RPSA2: variants seen among roughly 807,000 people sequenced by gnomAD.
The protein encoded by RPSA2 is small ribosomal subunit protein uS2B.
the RPSA2 span, among the ~76,000 whole-genome samples, chr19:23,814,654 C>G: frequency 6.6e-6 from 1 of 152,298 alleles, no homozygotes; most frequent in South Asian, 2.1e-4. Flanking sequence ...TTGTCTACCA[C>G]TGTAAGTTGT....
At chr19:23,817,916 CTG>C in the RPSA2 span, 3 of 152,096 alleles carry the variant, frequency 2.0e-5, no homozygotes, top group Non-Finnish European at 4.4e-5. Context: ...AACAGAGAAA[CTG>C]GAGTTGTTGT....
chr19:23,832,549 C>G, the RPSA2 span: 1 of 847,414 alleles, frequency 1.2e-6, no homozygotes, highest in Admixed American at 2.8e-5. Flanking sequence ...AAAAGAAACC[C>G]TACAAATGTC....
At chr19:23,793,796 C>G in the RPSA2 span, among the ~76,000 whole-genome samples, 8 of 152,166 alleles carry the variant, frequency 5.3e-5, no homozygotes, top group South Asian at 1.7e-3. Flanking sequence ...GAATTCCTGA[C>G]GTGGTGATCT....
the RPSA2 span, among the ~76,000 whole-genome samples, chr19:23,855,028 A>C: frequency 9.9e-5 from 15 of 152,198 alleles, no homozygotes; most frequent in Non-Finnish European, 1.6e-4. Flanking sequence ...AAAAATCAGG[A>C]TATAATTCAT....
At chr19:23,766,486 C>G in the RPSA2 span, among the ~76,000 whole-genome samples, 2 of 137,896 alleles carry the variant, frequency 1.5e-5, no homozygotes, top group African/African-American at 2.7e-5. Flanking sequence ...GAGTCTTGCT[C>G]TGTCACCCAG....
chr19:23,839,192 C>T, the RPSA2 span, among the ~76,000 whole-genome samples: 29 of 152,236 alleles, frequency 1.9e-4, no homozygotes, highest in Middle Eastern at 3.4e-3. Flanking sequence ...TTGTTTTTAA[C>T]GCAATGCTCA....
chr19:23,845,692 C>G, the RPSA2 span, among the ~76,000 whole-genome samples: 4 of 152,112 alleles, frequency 2.6e-5, no homozygotes, highest in Non-Finnish European at 5.9e-5. Context: ...GCGGTTTTTG[C>G]ATGTTGCTCA....
chr19:23,786,800 T>C, the RPSA2 span, among the ~76,000 whole-genome samples: 25 of 152,050 alleles, frequency 1.6e-4, no homozygotes, highest in Admixed American at 1.6e-3. Flanking sequence ...TATTGTGACA[T>C]ATTGCTGAAC....
the RPSA2 span, among the ~76,000 whole-genome samples, chr19:23,786,912 C>A: frequency 6.6e-6 from 1 of 152,020 alleles, no homozygotes; most frequent in Admixed American, 6.6e-5. Context: ...CTCTCATCTT[C>A]TGCTTGCACC....
chr19:23,861,644 C>T, the RPSA2 span, among the ~76,000 whole-genome samples: 4 of 152,200 alleles, frequency 2.6e-5, no homozygotes, highest in Admixed American at 6.5e-5. Flanking sequence ...AACAAATCCC[C>T]GTCAGTCAGT....
chr19:23,861,542 T>C, the RPSA2 span, among the ~76,000 whole-genome samples: 8 of 152,272 alleles, frequency 5.3e-5, no homozygotes, highest in South Asian at 1.7e-3. Context: ...CTTGGCAGTA[T>C]TTTTTCAGGG....
the RPSA2 span, among the ~76,000 whole-genome samples, chr19:23,811,750 T>C: frequency 2.6e-5 from 4 of 152,166 alleles, no homozygotes; most frequent in Non-Finnish European, 5.9e-5. Flanking sequence ...ATTTCCCAAA[T>C]ATTTGTTTTA....
the RPSA2 span, among the ~76,000 whole-genome samples, chr19:23,806,088 C>T: frequency 2.1e-5 from 3 of 141,008 alleles, no homozygotes; most frequent in African/African-American, 7.8e-5. Flanking sequence ...TCTGTCGTCC[C>T]CGCTGGAGTG....
chr19:23,827,995 A>G, the RPSA2 span: 1 of 813,688 alleles, frequency 1.2e-6, no homozygotes, highest in Non-Finnish European at 2.0e-6. Flanking sequence ...ACTGGTCTGC[A>G]GCTCCCACTG....
At chr19:23,810,752 C>A in the RPSA2 span, among the ~76,000 whole-genome samples, 1 of 152,106 alleles carries the variant, frequency 6.6e-6, no homozygotes, top group Non-Finnish European at 1.5e-5. Flanking sequence ...TGGGTGTCTT[C>A]CTCTAGGCCT....
At chr19:23,833,139 C>T in the RPSA2 span, 4 of 1,206,590 alleles carry the variant, frequency 3.3e-6, no homozygotes, top group South Asian at 3.4e-5. Context: ...TAAAACCCTA[C>T]AAATGGGAAG....
At chr19:23,786,851 C>G in the RPSA2 span, among the ~76,000 whole-genome samples, 7 of 152,052 alleles carry the variant, frequency 4.6e-5, no homozygotes, top group Non-Finnish European at 8.8e-5. Flanking sequence ...TGTGCCCTTC[C>G]TATAGGGGAC....
the RPSA2 span, among the ~76,000 whole-genome samples, chr19:23,761,901 A>ATCCCTTCCTTCCTTCCTTCCTTCC: frequency 3.5e-4 from 12 of 34,016 alleles, no homozygotes; most frequent in African/African-American, 7.6e-4. Flanking sequence ...GGGTAACGTA[A>ATCCCTTCCTTCCTTCCTTCCTTCC]TTCTTTCTTT....
the RPSA2 span, among the ~76,000 whole-genome samples, chr19:23,856,183 G>A: frequency 1.6e-4 from 25 of 152,150 alleles, no homozygotes; most frequent in African/African-American, 5.5e-4. Flanking sequence ...GTAACTGCAG[G>A]GGGTTATGGG....
Sources: gnomAD v4.1 joint callset for allele counts (sites outside exome capture counted in the v4.1 genomes callset) on GRCh38, gnomAD v4.1.1 for gene constraint, MANE v1.5 for transcripts, NCBI Gene and HGNC (gene_info 2026-07-23, HGNC 2026-07-21) for gene names.